PRRX2: variants seen among roughly 807,000 people sequenced by gnomAD.
PRRX2 encodes paired mesoderm homeobox protein 2.
A neutral mutation model predicts 18.0 loss-of-function variants in PRRX2; 11 were observed. That is an observed-to-expected ratio of 0.61 (90% confidence interval 0.39 to 1.01). PRRX2 has a LOEUF of 1.01. Ranked by LOEUF, PRRX2 falls within the 50% of genes least tolerant of loss-of-function variation. The pLI, the probability that PRRX2 is intolerant of heterozygous loss-of-function variation, is 0.01. For synonymous variants in PRRX2, 177 were observed against 154.8 expected (o/e 1.14, Z -1.06); for missense variants, 387 against 351.0 (o/e 1.10, Z -0.82).
In PRRX2 at chr9:129,719,278, AAGC is replaced by A; in HGVS notation, c.311_313del (p.Gln104del). The A allele has an allele frequency of 3.1e-6, 5 of 1,609,500 alleles. No individual in the cohort carries two copies. The highest frequency in any genetic ancestry group is 4.2e-6 in the Non-Finnish European group (5 of 1,178,340). ...CGGTAGCGCCGCCAAGCGGAAGAAGAAGCAGCGGCGGAACCGCACCACGTTCAA... is the reference window on the plus strand; with the variant it reads ...CGGTAGCGCCGCCAAGCGGAAGAAGAAGCGGCGGAACCGCACCACGTTCAA... On this transcript the variant is annotated inframe_deletion, in exon 2 of 4. Transcript: ENST00000372469.
chr9:129,684,482 TCACACACACACACACACACACA>T (rs71385454), intron 1 of PRRX2, among the ~76,000 whole-genome samples: 1 of 43,246 alleles, frequency 2.3e-5, no homozygotes, highest in Admixed American at 2.2e-4. Flanking sequence ...ATACCAGAAA[TCACACACACACACACACACACA>T]CACACACACA....
chr9:129,696,229 T>TCC (rs1174105411), intron 1 of PRRX2, among the ~76,000 whole-genome samples: 1 of 152,036 alleles, frequency 6.6e-6, no homozygotes, highest in African/African-American at 2.4e-5. Context: ...AGCCCCCTTT[T>TCC]CAAAACGAAA....
intron 1 of PRRX2, among the ~76,000 whole-genome samples, chr9:129,680,530 G>T (rs564587672): frequency 9.3e-6 from 1 of 107,994 alleles, no homozygotes; most frequent in Non-Finnish European, 1.7e-5. Flanking sequence ...GGACCATCAC[G>T]TTCCCTTCAC....
At chr9:129,707,984 G>A (rs1832577381) in intron 1 of PRRX2, among the ~76,000 whole-genome samples, 1 of 152,152 alleles carries the variant, frequency 6.6e-6, no homozygotes, top group South Asian at 2.1e-4. Context: ...CACCAGCAGT[G>A]TATGAGGGTT....
intron 1 of PRRX2, among the ~76,000 whole-genome samples, chr9:129,701,786 G>A (rs1186186128): frequency 6.6e-6 from 1 of 152,246 alleles, no homozygotes; most frequent in African/African-American, 2.4e-5. Context: ...CGTGGGATTT[G>A]TAGGAGATTT....
intron 3 of PRRX2, 111 bp downstream of exon 3, chr9:129,720,885 G>C: frequency 1.6e-6 from 2 of 1,230,800 alleles, no homozygotes; most frequent in Non-Finnish European, 2.1e-6. Flanking sequence ...TGGTGTCCAC[G>C]CGCCCCTGGG....
At chr9:129,693,550 C>T (rs951649832) in intron 1 of PRRX2, among the ~76,000 whole-genome samples, 1 of 150,926 alleles carries the variant, frequency 6.6e-6, no homozygotes, top group Non-Finnish European at 1.5e-5. Flanking sequence ...GCTGAGATCA[C>T]GCTATTGCAC....
intron 1 of PRRX2, among the ~76,000 whole-genome samples, chr9:129,699,477 A>G (rs1564151330): frequency 6.8e-6 from 1 of 147,454 alleles, no homozygotes; most frequent in East Asian, 1.9e-4. Flanking sequence ...GTGTGTATAC[A>G]TATATCCATC....
At chr9:129,684,490 A>ACACG (rs1564147378) in intron 1 of PRRX2, among the ~76,000 whole-genome samples, 1 of 84,456 alleles carries the variant, frequency 1.2e-5, no homozygotes, top group Non-Finnish European at 2.5e-5. Context: ...AATCACACAC[A>ACACG]CACACACACA....
chr9:129,686,781 C>T (rs1832304446), intron 1 of PRRX2, among the ~76,000 whole-genome samples: 1 of 152,206 alleles, frequency 6.6e-6, no homozygotes. Context: ...GATTCGCCCT[C>T]ACCACCGGCC....
intron 1 of PRRX2, among the ~76,000 whole-genome samples, chr9:129,702,337 G>T: frequency 6.6e-6 from 1 of 151,662 alleles, no homozygotes; most frequent in Non-Finnish European, 1.5e-5. Context: ...GGCGGAGCTT[G>T]CAATGAGCAG....
At chr9:129,703,232 C>T (rs538801230) in intron 1 of PRRX2, among the ~76,000 whole-genome samples, 10 of 152,258 alleles carry the variant, frequency 6.6e-5, no homozygotes, top group South Asian at 2.1e-4. Flanking sequence ...GGGTGTGGGC[C>T]GAGCATTCCG....
At chr9:129,678,152 TG>T (rs1832184604) in intron 1 of PRRX2, among the ~76,000 whole-genome samples, 1 of 151,802 alleles carries the variant, frequency 6.6e-6, no homozygotes, top group Non-Finnish European at 1.5e-5. Flanking sequence ...TTAGTAGAGA[TG>T]GGGTTTTGTC....
intron 1 of PRRX2, among the ~76,000 whole-genome samples, chr9:129,685,712 T>C (rs1050887281): frequency 9.2e-5 from 14 of 152,230 alleles, no homozygotes; most frequent in African/African-American, 2.9e-4. Context: ...TTCCTGGGCC[T>C]TTAAAAAGCT....
At chr9:129,669,463 G>A (rs111959964) in intron 1 of PRRX2, among the ~76,000 whole-genome samples, 14 of 152,362 alleles carry the variant, frequency 9.2e-5, no homozygotes, top group African/African-American at 2.9e-4. Flanking sequence ...GAGTGGAAAC[G>A]GGGACGTGGA....
At chr9:129,720,535 G>T (rs1588178357) in intron 2 of PRRX2, 61 bp from the exon 3 acceptor site, 2 of 1,484,022 alleles carry the variant, frequency 1.3e-6, no homozygotes, top group East Asian at 2.4e-5. Flanking sequence ...ACACACCCAG[G>T]TCCAGAAGGA....
chr9:129,702,393 G>A (rs35475808), intron 1 of PRRX2, among the ~76,000 whole-genome samples: 31,009 of 149,118 alleles, frequency 0.21, 3,352 homozygotes, highest in Middle Eastern at 0.33. Context: ...GCGAGACTCC[G>A]TCTCAAAAAA....
chr9:129,699,124 A>T (rs1330552117), intron 1 of PRRX2, among the ~76,000 whole-genome samples: 1 of 152,178 alleles, frequency 6.6e-6, no homozygotes. Flanking sequence ...CCTGTCAATT[A>T]AAAAAATCCA....
At chr9:129,672,882 GTTCATTCATTCATTCATTCA>G (rs3054758) in intron 1 of PRRX2, among the ~76,000 whole-genome samples, 14 of 150,152 alleles carry the variant, frequency 9.3e-5, no homozygotes, top group South Asian at 4.2e-4. Context: ...TCCCGCACTT[GTTCATTCATTCATTCATTCA>G]TTCATTCATT....
Sources: gnomAD v4.1 joint callset for allele counts (sites outside exome capture counted in the v4.1 genomes callset) on GRCh38, gnomAD v4.1.1 for gene constraint, MANE v1.5 for transcripts, NCBI Gene and HGNC (gene_info 2026-07-23, HGNC 2026-07-21) for gene names.